The following GABRA2 variants were observed in gnomAD, a reference collection of about 807,000 sequenced individuals.
GABRA2 encodes the protein gamma-aminobutyric acid type A receptor subunit alpha2, also known as gamma-aminobutyric acid receptor subunit alpha-2.
Under a neutral mutation model 48.7 loss-of-function variants are expected in GABRA2, and 16 were observed. That is an observed-to-expected ratio of 0.33 (90% CI 0.22 to 0.50). GABRA2 has a LOEUF of 0.50. GABRA2 is among the 20% of genes least tolerant of loss of function. The probability of loss-of-function intolerance (pLI) is 0.98; values close to 1 mark genes in which losing one functional copy is unlikely to be tolerated. For missense variants in GABRA2, 275 were observed against 535.6 expected, an observed-to-expected ratio of 0.51 and a Z score of 4.80; for synonymous variants, 185 against 184.5, an observed-to-expected ratio of 1.00 and a Z score of -0.02.
At chr4:46,332,108 A>G (rs1439584981) in intron 4 of GABRA2, among the ~76,000 whole-genome samples, 2 of 152,146 alleles carry the variant, frequency 1.3e-5, no homozygotes, top group Admixed American at 1.3e-4. Flanking sequence ...GTTGATTTAT[A>G]TATACCTACT....
intron 8 of GABRA2, among the ~76,000 whole-genome samples, chr4:46,262,754 C>T (rs1216662116): frequency 6.6e-6 from 1 of 151,620 alleles, no homozygotes; most frequent in Non-Finnish European, 1.5e-5. Context: ...AAAAATTAGC[C>T]CAGCGTGGTG....
At chr4:46,334,702 G>A (rs1578089487) in intron 3 of GABRA2, among the ~76,000 whole-genome samples, 1 of 152,064 alleles carries the variant, frequency 6.6e-6, no homozygotes, top group Non-Finnish European at 1.5e-5. Flanking sequence ...TGAAAAATAA[G>A]GTTAGCCTCA....
At chr4:46,255,142 A>G (rs1171345151) in intron 9 of GABRA2, among the ~76,000 whole-genome samples, 1 of 151,576 alleles carries the variant, frequency 6.6e-6, no homozygotes, top group African/African-American at 2.4e-5. Context: ...AAGCTCTTTG[A>G]AGGCACAGAC....
intron 3 of GABRA2, among the ~76,000 whole-genome samples, chr4:46,356,430 T>G (rs918307674): frequency 2.4e-5 from 2 of 84,178 alleles, no homozygotes; most frequent in Non-Finnish European, 4.5e-5. Flanking sequence ...TATGGTAAAC[T>G]CACTAAGAAA....
At chr4:46,318,606 T>G (rs578215003) in intron 4 of GABRA2, among the ~76,000 whole-genome samples, 1 of 151,662 alleles carries the variant, frequency 6.6e-6, no homozygotes, top group Non-Finnish European at 1.5e-5. Context: ...AGTTATTACC[T>G]GATTTGTGTT....
chr4:46,370,722 C>T (rs901827348), intron 3 of GABRA2, among the ~76,000 whole-genome samples: 8 of 152,210 alleles, frequency 5.3e-5, no homozygotes, highest in African/African-American at 1.4e-4. Flanking sequence ...AGTCAGAAAA[C>T]CAAAGCAGCC....
rs16859329 is a variant in GABRA2 at position 46,359,092 on chromosome 4, G to T, written c.188-26410C>A. ...TTAGTTTAAGTATAAGGTACATAAG[G>T]TCATAAAGATAGTAAGCAGCAGAAG... On this transcript the variant is annotated intron_variant, in intron 3 of 9. Transcript: ENST00000381620. Among the ~76,000 whole-genome samples the T allele has an allele frequency of 4.5e-3, 682 of 152,160 alleles. 6 individuals are homozygous for T. The highest frequency in any genetic ancestry group is 0.015 in the African/African-American group (641 of 41,496).
At position 46,250,281 on chromosome 4, in the gene GABRA2, C is replaced by A. The variant is rs201758694; in HGVS notation, c.*27G>T. 3.8e-6 allele frequency: 6 copies of A among 1,582,780 alleles called. No homozygotes were observed. The East Asian group carries it at 1.1e-4, about 30-fold the overall frequency. ...ACAAACCAAATTTAATGTTGCTATA[C>A]ATCCCAAAGATAACATGGGTCTCAA... On this transcript the variant is annotated 3_prime_UTR_variant, in exon 10 of 10. Coordinates refer to ENST00000381620, the MANE Select transcript of GABRA2 (RefSeq NM_000807.4).
At position 46,250,313 on chromosome 4, in the gene GABRA2, G is replaced by A; in HGVS notation, c.1351C>T (p.Pro451Ser). The A allele has an allele frequency of 6.2e-7, 1 of 1,608,328 alleles. No individual in the cohort carries two copies. Among genetic ancestry groups the A allele is most frequent in the Non-Finnish European group, 8.5e-7 (1 of 1,176,730 alleles). ...LNREPVLGVS[P>S] ...AAGATAACATGGGTCTCAATTCAAGGACTGACCCCTAATACAGGTTCTCTG... is the reference window on the plus strand; with the variant it reads ...AAGATAACATGGGTCTCAATTCAAGAACTGACCCCTAATACAGGTTCTCTG... Residue 451 changes from proline to serine, a missense_variant, in exon 10 of 10, where the codon CCT becomes TCT. By Grantham distance (74) the Pro-to-Ser change is moderately conservative (BLOSUM62 -1). Around this residue, in one of 4 missense-constraint regions of GABRA2, gnomAD observed 99 missense variants for 124.3 expected, o/e 0.80. Coordinates refer to ENST00000381620, the MANE Select transcript of GABRA2 (RefSeq NM_000807.4).
At chr4:46,386,351 A>T (rs1038800942) in intron 2 of GABRA2, among the ~76,000 whole-genome samples, 162 bp from the exon 3 acceptor site, 2 of 152,166 alleles carry the variant, frequency 1.3e-5, no homozygotes, top group Non-Finnish European at 2.9e-5. Flanking sequence ...TTTGTCTTCA[A>T]AAAAGGTAAA....
At chr4:46,285,614 A>G (rs1722408829) in intron 8 of GABRA2, among the ~76,000 whole-genome samples, 1 of 152,064 alleles carries the variant, frequency 6.6e-6, no homozygotes, top group Non-Finnish European at 1.5e-5. Flanking sequence ...TCATTATTTT[A>G]TTAGAGATTT....
intron 8 of GABRA2, among the ~76,000 whole-genome samples, chr4:46,275,845 C>A (rs1049323550): frequency 1.3e-5 from 2 of 151,954 alleles, no homozygotes; most frequent in African/African-American, 4.8e-5. Context: ...ATTCACCCAA[C>A]TGGAAATTAT....
At chr4:46,366,065 T>C (rs543027676) in intron 3 of GABRA2, 6 of 152,222 alleles carry the variant, frequency 3.9e-5, no homozygotes, top group African/African-American at 1.4e-4. Flanking sequence ...ATGCTGAGAT[T>C]ATCTATCTAG....
chr4:46,381,196 T>A (rs1442492612), intron 3 of GABRA2, among the ~76,000 whole-genome samples: 1 of 152,232 alleles, frequency 6.6e-6, no homozygotes, highest in African/African-American at 2.4e-5. Flanking sequence ...CATAAATATA[T>A]GAGGCCTGTC....
intron 3 of GABRA2, among the ~76,000 whole-genome samples, chr4:46,335,485 G>A (rs1177601871): frequency 6.6e-6 from 1 of 151,984 alleles, no homozygotes; most frequent in African/African-American, 2.4e-5. Flanking sequence ...TGTTGTTTTT[G>A]TTCTTTAGAT....
At chr4:46,275,995 A>T (rs1022157294) in intron 8 of GABRA2, among the ~76,000 whole-genome samples, 5 of 152,160 alleles carry the variant, frequency 3.3e-5, no homozygotes, top group Admixed American at 1.3e-4. Flanking sequence ...TGATAACCTT[A>T]GCCTTATAAA....
chr4:46,247,463 C>T lies in GABRA2; in HGVS notation c.*2845G>A, dbSNP rs139030568. ...ACATGAGTGATTTTAACACCAATTA[C>T]AGGGCATGGCACAGGAGGTAAAAAA... On this transcript the variant is annotated 3_prime_UTR_variant, in exon 10 of 10. Transcript: ENST00000381620. Among the ~76,000 whole-genome samples, 84 of 151,120 alleles carry T rather than the reference C, an allele frequency of 5.6e-4. No homozygotes were observed. In the Middle Eastern group the frequency reaches 0.014, roughly 24 times the overall value.
Position 46,326,558 on chromosome 4 carries a change from T to G in GABRA2, c.255+6057A>C, listed in dbSNP as rs561168141. Among the ~76,000 whole-genome samples the G allele has an allele frequency of 3.3e-5, 5 of 151,678 alleles. No homozygotes were observed. In the South Asian group the frequency reaches 1.0e-3, roughly 32 times the overall value. On this transcript the variant is annotated intron_variant, in intron 4 of 9. Transcript: ENST00000381620. ...GCTCAGAAAATGGAACCACCCTTCA[T>G]TTTGACAGATACCCACATTTGCTCC...
At chr4:46,364,755 G>A (rs1367084759) in intron 3 of GABRA2, 1 of 152,106 alleles carries the variant, frequency 6.6e-6, no homozygotes. Flanking sequence ...TCTTGATTTA[G>A]ATTTAAAAGG....
Sources: gnomAD v4.1 joint callset for allele counts (sites outside exome capture counted in the v4.1 genomes callset) on GRCh38, gnomAD v4.1.1 for gene constraint, gnomAD v4.1.1 regional missense constraint, MANE v1.5 for transcripts, NCBI Gene and HGNC (gene_info 2026-07-23, HGNC 2026-07-21) for gene names.